GREB1L: variants seen among roughly 807,000 people sequenced by gnomAD.
The protein encoded by GREB1L is GREB1 like retinoic acid receptor coactivator, also known as GREB1-like protein.
GREB1L carries 17 observed loss-of-function variants against 200.8 expected under a neutral mutation model. The ratio of observed to expected loss-of-function variants is 0.08; its 90% CI spans 0.06 to 0.13. The LOEUF (loss-of-function observed/expected upper bound fraction) is 0.13, where lower values mean the gene tolerates loss of function less well. Ranked by LOEUF, GREB1L falls within the 10% of genes least tolerant of loss-of-function variation. The pLI is 1.00. For synonymous variants in GREB1L, 789 were observed against 893.0 expected, an observed-to-expected ratio of 0.88 and a Z score of 2.08; for missense variants, 1,657 against 2,367.7, an observed-to-expected ratio of 0.70 and a Z score of 6.23.
At chr18:21,470,990 A>T (rs547508525) in intron 15 of GREB1L, among the ~76,000 whole-genome samples, 2 of 152,232 alleles carry the variant, frequency 1.3e-5, no homozygotes, top group African/African-American at 4.8e-5. Flanking sequence ...GGTAGCTCTG[A>T]TGTGCCTGCT....
intron 1 of GREB1L, among the ~76,000 whole-genome samples, chr18:21,320,093 A>G (rs1200781264): frequency 1.3e-5 from 2 of 152,242 alleles, no homozygotes; most frequent in African/African-American, 4.8e-5. Context: ...TGCTAGCTCA[A>G]AATATGGTCC....
chr18:21,450,138 A>G (rs1241267792), intron 12 of GREB1L, among the ~76,000 whole-genome samples: 2 of 152,162 alleles, frequency 1.3e-5, no homozygotes, highest in East Asian at 1.9e-4. Flanking sequence ...AAATGTTACT[A>G]CTCTAGCATG....
intron 1 of GREB1L, among the ~76,000 whole-genome samples, chr18:21,357,427 A>G (rs2039521215): frequency 6.6e-6 from 1 of 152,152 alleles, no homozygotes. Flanking sequence ...CCTATCCTGT[A>G]TGTTGGCTCT....
chr18:21,261,635 AT>A (rs1350805705), intron 1 of GREB1L, among the ~76,000 whole-genome samples: 3 of 152,064 alleles, frequency 2.0e-5, no homozygotes, highest in African/African-American at 7.2e-5. Flanking sequence ...CTATATGTAA[AT>A]TTTGGAAAAG....
intron 1 of GREB1L, among the ~76,000 whole-genome samples, chr18:21,348,617 A>G (rs2039388241): frequency 6.6e-6 from 1 of 152,016 alleles, no homozygotes. Context: ...TCTACTAAAA[A>G]TACAAAAATT....
At chr18:21,274,463 T>G (rs1433369708) in intron 1 of GREB1L, among the ~76,000 whole-genome samples, 1 of 152,000 alleles carries the variant, frequency 6.6e-6, no homozygotes, top group Non-Finnish European at 1.5e-5. Flanking sequence ...CAGGCTGGAG[T>G]CCCGTGGCAT....
intron 1 of GREB1L, among the ~76,000 whole-genome samples, chr18:21,326,021 A>G (rs571935499): frequency 6.6e-6 from 1 of 152,186 alleles, no homozygotes; most frequent in South Asian, 2.1e-4. Flanking sequence ...TACATAATGT[A>G]TATAATAAAT....
chr18:21,332,674 C>T (rs1483150970), intron 1 of GREB1L, among the ~76,000 whole-genome samples: 6 of 152,024 alleles, frequency 3.9e-5, no homozygotes, highest in Non-Finnish European at 8.8e-5. Context: ...GGGTTTTCAC[C>T]ATGTTGCCCA....
chr18:21,333,092 ACGCGCGCG>A (rs1318005450), intron 1 of GREB1L, among the ~76,000 whole-genome samples: 2 of 151,018 alleles, frequency 1.3e-5, no homozygotes, highest in African/African-American at 2.4e-5. Context: ...ATACACACAC[ACGCGCGCG>A]CGCGCGCGCA....
At chr18:21,287,239 C>T (rs566248116) in intron 1 of GREB1L, among the ~76,000 whole-genome samples, 1 of 152,114 alleles carries the variant, frequency 6.6e-6, no homozygotes, top group African/African-American at 2.4e-5. Flanking sequence ...TTTCCCCACA[C>T]CAAGACTTAC....
At position 21,520,768 on chromosome 18, in the gene GREB1L, G is replaced by A; in HGVS notation, c.5553G>A (p.Leu1851=). ...GGGTGTTTTTCAGTGGACTCCTTTT[G>A]TACCTCTGTGACTCTTTTGTAGGTG... The part of the protein sequence containing the change: ...CEGVFFSGLL[L]YLCDSFVGAD... Residue 1851 remains leucine, a synonymous_variant, in exon 32 of 33, where the codon TTG becomes TTA. Coordinates refer to ENST00000424526, the MANE Select transcript of GREB1L (RefSeq NM_001142966.3). 1 of 1,534,744 alleles carries A rather than the reference G, an allele frequency of 6.5e-7. No individual in the cohort carries two copies. Among genetic ancestry groups the A allele is most frequent in the Non-Finnish European group, 8.8e-7 (1 of 1,142,374 alleles).
chr18:21,448,761 T>C (rs568605210), intron 11 of GREB1L, among the ~76,000 whole-genome samples: 7 of 152,368 alleles, frequency 4.6e-5, no homozygotes, highest in Non-Finnish European at 8.8e-5. Flanking sequence ...ATACCAAACA[T>C]TGACTTGCTT....
intron 1 of GREB1L, among the ~76,000 whole-genome samples, chr18:21,353,027 A>G (rs2039456105): frequency 6.6e-6 from 1 of 152,036 alleles, no homozygotes; most frequent in Non-Finnish European, 1.5e-5. Flanking sequence ...TGAAAATACA[A>G]AAAAGTTAGC....
At chr18:21,383,274 C>CA (rs2040398415) in intron 2 of GREB1L, among the ~76,000 whole-genome samples, 1 of 152,190 alleles carries the variant, frequency 6.6e-6, no homozygotes, top group African/African-American at 2.4e-5. Flanking sequence ...GTTATAGATA[C>CA]AAAATCCCTC....
At chr18:21,280,855 A>C (rs1408374396) in intron 1 of GREB1L, among the ~76,000 whole-genome samples, 1 of 152,182 alleles carries the variant, frequency 6.6e-6, no homozygotes, top group Non-Finnish European at 1.5e-5. Flanking sequence ...AGAAATGCCT[A>C]CTGTCAGTAT....
At chr18:21,465,834 TC>T (rs2035242906) in intron 15 of GREB1L, among the ~76,000 whole-genome samples, 1 of 152,154 alleles carries the variant, frequency 6.6e-6, no homozygotes, top group African/African-American at 2.4e-5. Flanking sequence ...GAATGAGCAC[TC>T]ATTACCCACC....
chr18:21,475,145 G>A (rs1205369315), intron 16 of GREB1L, among the ~76,000 whole-genome samples: 1 of 152,188 alleles, frequency 6.6e-6, no homozygotes, highest in African/African-American at 2.4e-5. Context: ...AGGAGGTTAA[G>A]ATGAATGAGC....
At chr18:21,315,415 A>G (rs1268391174) in intron 1 of GREB1L, among the ~76,000 whole-genome samples, 1 of 152,170 alleles carries the variant, frequency 6.6e-6, no homozygotes, top group Admixed American at 6.5e-5. Context: ...GATCATTAAG[A>G]ATTTTTGCCC....
chr18:21,481,477 GTATATA>G lies in GREB1L; in HGVS notation c.2557-4128_2557-4123del, dbSNP rs754521942. 2.4e-4 allele frequency among the ~76,000 whole-genome samples: 32 copies of G among 133,332 alleles called. No homozygotes were observed. In the South Asian group the frequency reaches 3.0e-3, roughly 13 times the overall value. The allele number at this position is 133,332 out of a possible 152,430, so 87.5% of individuals were successfully genotyped here. ...TGTGTGTGTGTGTGTGTGTGTGTGT[GTATATA>G]TATATATATATATAGCATTATTAGA... On this transcript the variant is annotated intron_variant, in intron 17 of 32. Transcript: ENST00000424526.
Sources: gnomAD v4.1 joint callset for allele counts (sites outside exome capture counted in the v4.1 genomes callset) on GRCh38, gnomAD v4.1.1 for gene constraint, MANE v1.5 for transcripts, NCBI Gene and HGNC (gene_info 2026-07-23, HGNC 2026-07-21) for gene names.